Variants in CNTNAP2 observed in about 807,000 individuals in gnomAD.
CNTNAP2 encodes contactin-associated protein-like 2.
Under a neutral mutation model 155.2 loss-of-function variants are expected in CNTNAP2, and 98 were observed. The observed-to-expected ratio is 0.63, with a 90% CI of 0.54 to 0.75. The LOEUF (loss-of-function observed/expected upper bound fraction) is 0.75, where lower values mean the gene tolerates loss of function less well. Among genes scored for constraint, CNTNAP2 ranks in the 30% least tolerant of loss-of-function variants. The probability of loss-of-function intolerance (pLI) is 0.00; values close to 1 mark genes in which losing one functional copy is unlikely to be tolerated. For missense variants in CNTNAP2, 1,727 were observed against 1,688.1 expected, an observed-to-expected ratio of 1.02 and a Z score of -0.40; for synonymous variants, 651 against 631.2, an observed-to-expected ratio of 1.03 and a Z score of -0.47.
At chr7:146,984,115 C>T (rs548684345) in intron 3 of CNTNAP2, among the ~76,000 whole-genome samples, 1 of 152,060 alleles carries the variant, frequency 6.6e-6, no homozygotes, top group Admixed American at 6.6e-5. Context: ...TGCCTGTAAT[C>T]CCAGCACTTT....
intron 3 of CNTNAP2, among the ~76,000 whole-genome samples, chr7:146,921,655 G>C (rs1488110290): frequency 6.6e-6 from 1 of 152,064 alleles, no homozygotes; most frequent in East Asian, 1.9e-4. Context: ...CAGTATTGGG[G>C]AAATCACCTC....
chr7:147,310,376 T>G (rs767627710), intron 9 of CNTNAP2, among the ~76,000 whole-genome samples: 8 of 152,180 alleles, frequency 5.3e-5, no homozygotes, highest in Non-Finnish European at 8.8e-5. Flanking sequence ...CTTTCTTTTT[T>G]CTTGATACTG....
intron 3 of CNTNAP2, among the ~76,000 whole-genome samples, chr7:146,965,832 T>G (rs1284206922): frequency 6.6e-6 from 1 of 152,170 alleles, no homozygotes; most frequent in Non-Finnish European, 1.5e-5. Flanking sequence ...CACTTTTGAG[T>G]ACAACAGGTG....
intron 1 of CNTNAP2, among the ~76,000 whole-genome samples, chr7:146,315,862 CCAGA>C (rs1355391130): frequency 6.6e-6 from 1 of 152,034 alleles, no homozygotes; most frequent in Non-Finnish European, 1.5e-5. Context: ...TTGAAATGGG[CCAGA>C]CAGACATTCA....
chr7:147,987,538 A>G (rs1363859711), intron 15 of CNTNAP2, among the ~76,000 whole-genome samples: 1 of 152,170 alleles, frequency 6.6e-6, no homozygotes, highest in Non-Finnish European at 1.5e-5. Flanking sequence ...GTCAACAAAG[A>G]GTCAAATTCT....
At chr7:146,240,125 A>T (rs1284293509) in intron 1 of CNTNAP2, among the ~76,000 whole-genome samples, 1 of 152,156 alleles carries the variant, frequency 6.6e-6, no homozygotes. Context: ...TAGAAACTGT[A>T]TTAACTATTG....
rs769836917 is a variant in CNTNAP2, at chr7:147,799,430, C to T, written c.2099-104135C>T. Among the ~76,000 whole-genome samples the T allele has an allele frequency of 8.5e-5, 13 of 152,120 alleles. No homozygotes were observed. In the South Asian group the frequency reaches 1.2e-3, roughly 15 times the overall value. On this transcript the variant is annotated intron_variant, in intron 13 of 23. Coordinates refer to ENST00000361727, the MANE Select transcript of CNTNAP2 (RefSeq NM_014141.6). ...TACTGGATGAGCATTGGGAAGAAGA[C>T]GTGGTCCCAGCTATGGAACTCCAAA...
intron 1 of CNTNAP2, among the ~76,000 whole-genome samples, chr7:146,635,980 C>A (rs993039470): frequency 1.3e-5 from 2 of 152,152 alleles, no homozygotes; most frequent in African/African-American, 4.8e-5. Flanking sequence ...ATTGCTTGCT[C>A]ACTTTAGCAA....
At chr7:146,992,623 C>G (rs1036027302) in intron 3 of CNTNAP2, among the ~76,000 whole-genome samples, 3 of 152,144 alleles carry the variant, frequency 2.0e-5, no homozygotes, top group Non-Finnish European at 4.4e-5. Context: ...CCCATTCTCC[C>G]TGTACACAGG....
chr7:147,682,768 T>C (rs534537526), intron 13 of CNTNAP2, among the ~76,000 whole-genome samples: 2 of 152,088 alleles, frequency 1.3e-5, no homozygotes, highest in South Asian at 4.1e-4. Context: ...ATTTCTTACA[T>C]CTTCTGTTCT....
At chr7:148,136,028 G>GAA (rs1263647289) in intron 16 of CNTNAP2, among the ~76,000 whole-genome samples, 3 of 80,804 alleles carry the variant, frequency 3.7e-5, no homozygotes, top group African/African-American at 1.6e-4. Context: ...AGGGAGGGAG[G>GAA]GAGGGAGGGA....
intron 4 of CNTNAP2, among the ~76,000 whole-genome samples, chr7:147,105,396 A>G (rs1400895958): frequency 6.6e-6 from 1 of 151,976 alleles, no homozygotes; most frequent in South Asian, 2.1e-4. Flanking sequence ...TCAACCATAC[A>G]TATTTAATCA....
chr7:147,043,773 C>A, intron 3 of CNTNAP2, 134 bp from the exon 4 acceptor site: 1 of 1,115,016 alleles, frequency 9.0e-7, no homozygotes, highest in East Asian at 2.6e-5. Flanking sequence ...AAGCAGCTTT[C>A]TTCAAATTAT....
chr7:146,352,724 CTT>C (rs1231178598), intron 1 of CNTNAP2, among the ~76,000 whole-genome samples: 2 of 123,562 alleles, frequency 1.6e-5, no homozygotes, highest in East Asian at 4.6e-4. Context: ...ATAGTCTTCT[CTT>C]ATAATTTCAA....
intron 14 of CNTNAP2, among the ~76,000 whole-genome samples, chr7:147,968,637 G>C (rs1461766382): frequency 6.6e-6 from 1 of 152,126 alleles, no homozygotes; most frequent in Admixed American, 6.5e-5. Context: ...TGACATAGAA[G>C]CGATTTTTGA....
At chr7:147,059,706 GTGTC>G (rs1207714701) in intron 4 of CNTNAP2, among the ~76,000 whole-genome samples, 37 of 152,174 alleles carry the variant, frequency 2.4e-4, no homozygotes, top group African/African-American at 6.3e-4. Flanking sequence ...CATATATATT[GTGTC>G]CTTACAACAA....
intron 13 of CNTNAP2, among the ~76,000 whole-genome samples, chr7:147,751,058 T>A (rs921603863): frequency 1.9e-4 from 29 of 150,654 alleles, no homozygotes; most frequent in Non-Finnish European, 3.7e-4. Context: ...AAAATAAAAA[T>A]AATAATAATA....
chr7:146,979,079 G>C (rs1262028887), intron 3 of CNTNAP2, among the ~76,000 whole-genome samples: 1 of 152,120 alleles, frequency 6.6e-6, no homozygotes, highest in African/African-American at 2.4e-5. Context: ...AGCAAAGTGA[G>C]TCCAAACACC....
At chr7:146,413,656 C>G (rs1795897605) in intron 1 of CNTNAP2, among the ~76,000 whole-genome samples, 1 of 152,138 alleles carries the variant, frequency 6.6e-6, no homozygotes, top group Non-Finnish European at 1.5e-5. Context: ...TTATCTCTCT[C>G]TTCCTGTTTC....
Sources: gnomAD v4.1 joint callset for allele counts (sites outside exome capture counted in the v4.1 genomes callset) on GRCh38, gnomAD v4.1.1 for gene constraint, MANE v1.5 for transcripts, NCBI Gene and HGNC (gene_info 2026-07-23, HGNC 2026-07-21) for gene names.